RMDN2: variants seen among roughly 807,000 people sequenced by gnomAD.
RMDN2 encodes regulator of microtubule dynamics protein 2.
In RMDN2, 61 loss-of-function variants were observed where a neutral mutation model predicts 52.8. That is an observed-to-expected ratio of 1.16 (90% CI 0.94 to 1.43). The LOEUF is 1.43. RMDN2 is among the 40% of genes most tolerant of loss of function. The pLI is 0.00. For synonymous variants in RMDN2, 180 were observed against 153.1 expected (o/e 1.18, Z -1.30); for missense variants, 592 against 475.3 (o/e 1.25, Z -2.28).
chr2:38,025,058 G>T (rs1679675669), intron 10 of RMDN2, among the ~76,000 whole-genome samples: 1 of 152,010 alleles, frequency 6.6e-6, no homozygotes, highest in Non-Finnish European at 1.5e-5. Flanking sequence ...TTTCCATCAA[G>T]AAAAAAGTGG....
At chr2:37,962,048 C>T (rs1572823291) in intron 2 of RMDN2, among the ~76,000 whole-genome samples, 1 of 152,324 alleles carries the variant, frequency 6.6e-6, no homozygotes, top group South Asian at 2.1e-4. Context: ...ATTGCTGCCT[C>T]CTCCTTTCTC....
chr2:37,967,270 C>T (rs980560844), intron 2 of RMDN2, among the ~76,000 whole-genome samples: 2 of 152,152 alleles, frequency 1.3e-5, no homozygotes, highest in Admixed American at 6.5e-5. Flanking sequence ...AACAAACTTT[C>T]CATTGAATGG....
upstream of RMDN2, among the ~76,000 whole-genome samples, chr2:37,921,281 T>A (rs1011275645): frequency 1.3e-4 from 20 of 152,288 alleles, no homozygotes; most frequent in Admixed American, 9.8e-4. Flanking sequence ...CTAATGCTTT[T>A]TTCAGATAAA....
chr2:37,981,289 C>CT lies in RMDN2; in HGVS notation c.740dup (p.Leu247PhefsTer3), dbSNP rs1558506364. The CT allele has an allele frequency of 3.8e-6, 6 of 1,593,622 alleles. No individual in the cohort carries two copies. The African/African-American group carries it at 8.0e-5, about 21-fold the overall frequency. Reference sequence around the variant, plus strand: ...AAGTACTTTTATCTTTCAGGAAAAACTTTAAGTGAAAGAGCTATTAATAGA... The same window carrying CT: ...AAGTACTTTTATCTTTCAGGAAAAACTTTTAAGTGAAAGAGCTATTAATAGA... On this transcript the variant is annotated frameshift_variant, in exon 5 of 11. Coordinates refer to ENST00000354545, the MANE Select transcript of RMDN2 (RefSeq NM_001170791.3). LOFTEE classifies it high-confidence loss of function.
At chr2:37,978,443 A>G (rs1464063936) in intron 4 of RMDN2, among the ~76,000 whole-genome samples, 1 of 152,200 alleles carries the variant, frequency 6.6e-6, no homozygotes, top group African/African-American at 2.4e-5. Flanking sequence ...TTTTCAGGCT[A>G]CAGGGGAGCT....
chr2:37,939,129 A>T (rs1209447592), intron 2 of RMDN2, among the ~76,000 whole-genome samples: 2 of 152,220 alleles, frequency 1.3e-5, no homozygotes, highest in Non-Finnish European at 2.9e-5. Context: ...TAACTTATTT[A>T]TTCTGCCTTA....
At chr2:38,024,805 G>T (rs1679656621) in intron 10 of RMDN2, among the ~76,000 whole-genome samples, 1 of 152,066 alleles carries the variant, frequency 6.6e-6, no homozygotes, top group African/African-American at 2.4e-5. Flanking sequence ...TTTCTCCATA[G>T]ACTTGCCTTT....
intron 10 of RMDN2, among the ~76,000 whole-genome samples, chr2:38,039,125 A>G (rs1680799096): frequency 6.6e-6 from 1 of 151,124 alleles, no homozygotes; most frequent in African/African-American, 2.4e-5. Context: ...ATGGATTAAG[A>G]TTATATATTC....
chr2:37,982,978 C>T lies in RMDN2; in HGVS notation c.791+1635C>T, dbSNP rs77899257. 2.0e-3 allele frequency among the ~76,000 whole-genome samples: 306 copies of T among 152,178 alleles called. 3 individuals carry two copies. Among genetic ancestry groups the T allele is most frequent in the Middle Eastern group, 3.4e-3 (1 of 294 alleles). On this transcript the variant is annotated intron_variant, in intron 5 of 10. Transcript: ENST00000354545. ...GGAACTGGTTAGCCTAATTAGGATG[C>T]AGAAAGAACACCGAAGTCCTACTTT...
intron 10 of RMDN2, among the ~76,000 whole-genome samples, chr2:38,015,861 A>C (rs1230518041): frequency 1.3e-5 from 2 of 152,244 alleles, no homozygotes; most frequent in Admixed American, 6.5e-5. Context: ...CAAATTAGGA[A>C]TGCAGCACAA....
At chr2:37,973,974 A>T in intron 2 of RMDN2, 66 bp from the exon 3 acceptor site, 1 of 1,290,290 alleles carries the variant, frequency 7.8e-7, no homozygotes, top group Middle Eastern at 1.9e-4. Flanking sequence ...CTTGCATTTT[A>T]AAAGGAATGC....
chr2:38,036,924 T>C (rs940952133), intron 10 of RMDN2: 3 of 152,338 alleles, frequency 2.0e-5, no homozygotes, highest in East Asian at 1.9e-4. Flanking sequence ...GTCTCAGGTA[T>C]CCTGGTGGCT....
chr2:37,952,043 A>G, intron 2 of RMDN2: 7 of 1,613,534 alleles, frequency 4.3e-6, no homozygotes, highest in Non-Finnish European at 5.9e-6. Context: ...GAACTTTCCC[A>G]TTCCTCCATA....
At chr2:37,959,481 C>G (rs958408381) in intron 2 of RMDN2, among the ~76,000 whole-genome samples, 2 of 150,862 alleles carry the variant, frequency 1.3e-5, no homozygotes, top group Admixed American at 1.3e-4. Flanking sequence ...TTGTATTTCT[C>G]TGGGATCAGT....
At chr2:38,051,190 A>C (rs758953716) in intron 10 of RMDN2, among the ~76,000 whole-genome samples, 5 of 152,240 alleles carry the variant, frequency 3.3e-5, no homozygotes, top group Non-Finnish European at 5.9e-5. Flanking sequence ...TCATGCAATT[A>C]GACTGAGTCT....
chr2:38,019,989 T>A (rs1679219671), downstream of RMDN2, among the ~76,000 whole-genome samples: 2 of 152,036 alleles, frequency 1.3e-5, no homozygotes, highest in Admixed American at 1.3e-4. Flanking sequence ...CCATTGCAAA[T>A]AATTGCTAAA....
Position 37,969,184 on chromosome 2 carries a change from A to G in RMDN2, c.453-4856A>G, listed in dbSNP as rs76916524. Among the ~76,000 whole-genome samples the G allele has an allele frequency of 9.1e-4, 139 of 152,052 alleles. 2 individuals carry two copies. The East Asian group carries it at 0.023, about 25-fold the overall frequency. ...TGCAGTTCTGATATTGGTTCTTCAA[A>G]ATTGTCTTGGCTCTTCTTGCACTTG... is the stretch of plus-strand genomic sequence containing the variant. On this transcript the variant is annotated intron_variant, in intron 2 of 10. Transcript: ENST00000354545.
intron 1 of RMDN2, among the ~76,000 whole-genome samples, chr2:37,926,600 A>ATT (rs76270593): frequency 7.9e-5 from 12 of 152,020 alleles, no homozygotes; most frequent in African/African-American, 2.2e-4. Flanking sequence ...TAATTACTAT[A>ATT]TTTTTTTATA....
At chr2:37,980,325 A>G (rs766685724) in intron 4 of RMDN2, among the ~76,000 whole-genome samples, 1 of 152,026 alleles carries the variant, frequency 6.6e-6, no homozygotes, top group Non-Finnish European at 1.5e-5. Context: ...TTTATTTGAG[A>G]CAGAGTCTCG....
Sources: allele counts gnomAD v4.1 joint callset (sites outside exome capture counted in the v4.1 genomes callset), GRCh38; gene constraint gnomAD v4.1.1; transcripts MANE v1.5; gene names NCBI Gene and HGNC (gene_info 2026-07-23, HGNC 2026-07-21).